MYBPC1: variants seen among roughly 807,000 people sequenced by gnomAD.
The protein encoded by MYBPC1 is myosin binding protein C1, also known as myosin-binding protein C, slow-type.
In MYBPC1, 52 loss-of-function variants were observed where a neutral mutation model predicts 147.1. The observed-to-expected ratio is 0.35, with a 90% confidence interval of 0.28 to 0.45. The LOEUF (loss-of-function observed/expected upper bound fraction) is 0.45. Ranked by LOEUF, MYBPC1 falls within the 20% of genes least tolerant of loss-of-function variation. The probability of loss-of-function intolerance (pLI) is 1.00; values close to 1 mark genes in which losing one functional copy is unlikely to be tolerated. For missense variants in MYBPC1, 1,228 were observed against 1,440.3 expected, an observed-to-expected ratio of 0.85 and a Z score of 2.39; for synonymous variants, 477 against 475.9, an observed-to-expected ratio of 1.00 and a Z score of -0.03.
intron 2 of MYBPC1, among the ~76,000 whole-genome samples, 184 bp from the exon 3 acceptor site, chr12:101,617,018 G>C (rs886494770): frequency 6.6e-6 from 1 of 152,176 alleles, no homozygotes; most frequent in Non-Finnish European, 1.5e-5. Flanking sequence ...TTCACTAAAA[G>C]TTTAGTGTGG....
the MYBPC1 span, among the ~76,000 whole-genome samples, chr12:101,693,464 A>G: frequency 0.51 from 77,993 of 151,964 alleles, 21,016 homozygotes; most frequent in Admixed American, 0.6. Flanking sequence ...GTTTTGGCCG[A>G]TTGTGGTGGC....
intron 18 of MYBPC1, among the ~76,000 whole-genome samples, chr12:101,655,149 T>A (rs1432957350): frequency 1.3e-5 from 2 of 152,146 alleles, no homozygotes; most frequent in African/African-American, 4.8e-5. Flanking sequence ...AAATAGTTAT[T>A]TTAAGTGTAT....
intron 10 of MYBPC1, among the ~76,000 whole-genome samples, chr12:101,637,331 T>A (rs993450714): frequency 1.3e-5 from 2 of 151,986 alleles, no homozygotes; most frequent in African/African-American, 4.8e-5. Context: ...ACTGACACTT[T>A]TCATTGTTCT....
intron 17 of MYBPC1, among the ~76,000 whole-genome samples, 159 bp downstream of exon 17, chr12:101,652,943 C>A (rs1565963051): frequency 6.6e-6 from 1 of 152,188 alleles, no homozygotes; most frequent in Non-Finnish European, 1.5e-5. Flanking sequence ...TATACCAACA[C>A]CTTACAATAA....
intron 1 of MYBPC1, among the ~76,000 whole-genome samples, chr12:101,613,715 A>G (rs1885046848): frequency 6.6e-6 from 1 of 152,242 alleles, no homozygotes; most frequent in Non-Finnish European, 1.5e-5. Context: ...ATAACCAGAC[A>G]TCGAAAGCCA....
Position 101,618,692 on chromosome 12 carries a change from A to G in MYBPC1, c.103+1449A>G, listed in dbSNP as rs537482018. On this transcript the variant is annotated intron_variant, in intron 3 of 31. Transcript: ENST00000361466. ...GAGAAAATGTCTTTCCTTAAAGTCA[A>G]CCAACCAACAAAAACTCTTTTATTT... Among the ~76,000 whole-genome samples, 12 of 152,312 alleles carry G rather than the reference A, an allele frequency of 7.9e-5. No individual in the cohort carries two copies. The South Asian group carries it at 2.5e-3, about 32-fold the overall frequency.
chr12:101,682,696 C>A (rs770974951), intron 30 of MYBPC1, 34 bp downstream of exon 30: 1 of 1,558,442 alleles, frequency 6.4e-7, no homozygotes, highest in South Asian at 1.1e-5. Flanking sequence ...GGATATTCTA[C>A]TTTCCGTTCC....
At chr12:101,604,999 C>T (rs1881579811) in intron 1 of MYBPC1, among the ~76,000 whole-genome samples, 1 of 152,216 alleles carries the variant, frequency 6.6e-6, no homozygotes, top group African/African-American at 2.4e-5. Flanking sequence ...AGGCACCCTG[C>T]TTACCTTTCC....
intron 3 of MYBPC1, 66 bp downstream of exon 3, chr12:101,617,309 T>A: frequency 6.6e-7 from 1 of 1,509,930 alleles, no homozygotes. Context: ...AAGTCAGTAA[T>A]GATTGTCATG....
intron 3 of MYBPC1, among the ~76,000 whole-genome samples, chr12:101,619,487 T>C (rs1886891291): frequency 6.6e-6 from 1 of 152,266 alleles, no homozygotes; most frequent in Non-Finnish European, 1.5e-5. Context: ...AGCAATCATC[T>C]AATGAATACT....
chr12:101,662,878 G>A (rs6539003), intron 21 of MYBPC1, among the ~76,000 whole-genome samples: 102,043 of 152,002 alleles, frequency 0.67, 35,194 homozygotes, highest in Admixed American at 0.8. Context: ...GTATTAACCT[G>A]TTAATATAAC....
rs760601124 is a variant in MYBPC1 at position 101,646,753 on chromosome 12, T to C, written c.966-10T>C. The C allele has an allele frequency of 1.2e-6, 2 of 1,612,500 alleles. No homozygotes were observed. The highest frequency in any genetic ancestry group is 1.7e-5 in the Admixed American group (1 of 60,024). The stretch of plus-strand genomic sequence containing the variant: ...ACAGACTCTGTTTATTTTCATCCTA[T>C]TCAAAACAGATACATCTTTGAACAC... On this transcript the variant is annotated splice_polypyrimidine_tract_variant and intron_variant, in intron 12 of 31. Transcript: ENST00000361466.
chr12:101,661,323 T>C, intron 20 of MYBPC1, 61 bp downstream of exon 20: 1 of 1,051,716 alleles, frequency 9.5e-7, no homozygotes, highest in Non-Finnish European at 1.5e-6. Flanking sequence ...TTTACGCATC[T>C]TAGTACAGAG....
intron 1 of MYBPC1, among the ~76,000 whole-genome samples, chr12:101,601,907 C>T (rs1880158391): frequency 6.6e-6 from 1 of 151,990 alleles, no homozygotes; most frequent in Non-Finnish European, 1.5e-5. Context: ...CAAAATGTGT[C>T]CTTTTTAATT....
In MYBPC1 at chr12:101,644,689, A is replaced by T. The variant is rs540839265; in HGVS notation, c.858A>T (p.Ala286=). 3 of 1,613,880 alleles carry T rather than the reference A, an allele frequency of 1.9e-6. No homozygotes were observed. The highest frequency in any genetic ancestry group is 2.7e-5 in the African/African-American group (2 of 74,928). ...CTTTTGCAAAAATTCTTGATCCTGC[A>T]TATCAGGTTGACAAAGGAGGCAGAG... ...SAAFAKILDP[A]YQVDKGGRVR... Residue 286 remains alanine, a synonymous_variant, in exon 12 of 32, where the codon GCA becomes GCT. Transcript: ENST00000361466.
chr12:101,638,925 G>A (rs1891492329), intron 10 of MYBPC1, among the ~76,000 whole-genome samples: 1 of 151,968 alleles, frequency 6.6e-6, no homozygotes, highest in African/African-American at 2.4e-5. Context: ...AGAAATCATT[G>A]TGTTTTCCTA....
chr12:101,668,148 A>G (rs1897843772), intron 23 of MYBPC1, among the ~76,000 whole-genome samples: 1 of 152,150 alleles, frequency 6.6e-6, no homozygotes, highest in Non-Finnish European at 1.5e-5. Flanking sequence ...TCCAGGAGCC[A>G]ACTCTGGCTG....
At position 101,678,242 on chromosome 12, in the gene MYBPC1, C is replaced by A. The variant is rs1900423947; in HGVS notation, c.3246+4C>A. ...CAGTGTGAGAGGAAATCCTAAGGTA[C>A]CATGTTCTTCTATCACATCAGTTAA... On this transcript the variant is annotated splice_donor_region_variant and intron_variant, in intron 28 of 31. Coordinates refer to ENST00000361466, the MANE Select transcript of MYBPC1 (RefSeq NM_002465.4). 6.2e-7 allele frequency: 1 copy of A among 1,613,838 alleles called. No homozygotes were observed. The highest frequency in any genetic ancestry group is 8.5e-7 in the Non-Finnish European group (1 of 1,179,848).
chr12:101,629,211 C>T (rs1295523516), intron 5 of MYBPC1: 1 of 542,072 alleles, frequency 1.8e-6, no homozygotes, highest in East Asian at 3.3e-5. Flanking sequence ...CTAAGAATTA[C>T]ATAATGTTCA....
Sources: allele counts gnomAD v4.1 joint callset (sites outside exome capture counted in the v4.1 genomes callset), GRCh38; gene constraint gnomAD v4.1.1; transcripts MANE v1.5; gene names NCBI Gene and HGNC (gene_info 2026-07-23, HGNC 2026-07-21).